Variants in SGK1 observed in about 807,000 individuals in gnomAD.
SGK1 encodes the protein serum/glucocorticoid regulated kinase 1, also known as serine/threonine-protein kinase Sgk1.
A neutral mutation model predicts 64.2 loss-of-function variants in SGK1; 26 were observed. The observed-to-expected ratio is 0.40, with a 90% CI of 0.30 to 0.56. The LOEUF (loss-of-function observed/expected upper bound fraction) is 0.56. Among genes scored for constraint, SGK1 ranks in the 20% least tolerant of loss-of-function variants. The pLI is 0.38. For missense variants in SGK1, 519 were observed against 645.6 expected, an observed-to-expected ratio of 0.80 and a Z score of 2.12; for synonymous variants, 265 against 239.7, an observed-to-expected ratio of 1.11 and a Z score of -0.98.
chr6:134,316,970 T>A (rs78479401), intron 1 of SGK1, among the ~76,000 whole-genome samples: 8,311 of 152,170 alleles, frequency 0.055, 342 homozygotes, highest in African/African-American at 0.12. Flanking sequence ...TGATAATGCA[T>A]CACTTGAGAC....
intron 3 of SGK1, among the ~76,000 whole-genome samples, chr6:134,196,969 A>T (rs1775603089): frequency 6.6e-6 from 1 of 152,166 alleles, no homozygotes; most frequent in Non-Finnish European, 1.5e-5. Context: ...GCAGTGACTC[A>T]CGCCTATAAT....
chr6:134,239,913 G>C (rs1183991527), intron 2 of SGK1, among the ~76,000 whole-genome samples: 1 of 152,178 alleles, frequency 6.6e-6, no homozygotes, highest in East Asian at 1.9e-4. Flanking sequence ...CAGTGGATAA[G>C]AGAAATGATT....
chr6:134,189,799 T>C (rs2114663602), intron 3 of SGK1, among the ~76,000 whole-genome samples: 1 of 152,240 alleles, frequency 6.6e-6, no homozygotes, highest in South Asian at 2.1e-4. Flanking sequence ...AAAGCAGAAG[T>C]ATTCCCTTTT....
intron 3 of SGK1, among the ~76,000 whole-genome samples, chr6:134,199,625 T>TA (rs1775651361): frequency 7.0e-6 from 1 of 142,012 alleles, no homozygotes; most frequent in South Asian, 2.2e-4. Context: ...CCACCAAACC[T>TA]AAAACAAAAG....
intron 1 of SGK1, chr6:134,297,151 A>G: frequency 1.6e-6 from 1 of 613,782 alleles, no homozygotes; most frequent in Non-Finnish European, 3.0e-6. Context: ...CCATAGGCTG[A>G]GCACAGACCA....
chr6:134,265,909 C>A (rs1357493262), intron 1 of SGK1, among the ~76,000 whole-genome samples: 1 of 151,814 alleles, frequency 6.6e-6, no homozygotes, highest in South Asian at 2.1e-4. Context: ...TCCCAAAATG[C>A]TGGGATTACA....
rs1359174454 is a variant in SGK1 at position 134,273,329 on chromosome 6, T to A, written c.70-11181A>T. 1.4e-5 allele frequency among the ~76,000 whole-genome samples: 2 copies of A among 146,828 alleles called. 1 individual carries two copies. The highest frequency in any genetic ancestry group is 3.0e-5 in the Non-Finnish European group (2 of 66,448). On this transcript the variant is annotated intron_variant, in intron 1 of 13. Transcript: ENST00000367858. ...TGGAAGTGATGGTTAAGTTGAATCTTAAAAGCTGAGTTACACTTTGGGAGG... is the reference window on the plus strand; with the variant it reads ...TGGAAGTGATGGTTAAGTTGAATCTAAAAAGCTGAGTTACACTTTGGGAGG...
intron 2 of SGK1, among the ~76,000 whole-genome samples, chr6:134,234,091 A>C (rs2114717395): frequency 6.6e-6 from 1 of 152,368 alleles, no homozygotes; most frequent in East Asian, 1.9e-4. Flanking sequence ...TTAATAATAG[A>C]ACATTTTAAA....
intron 2 of SGK1, among the ~76,000 whole-genome samples, chr6:134,248,860 C>T (rs975613323): frequency 1.3e-5 from 2 of 152,146 alleles, no homozygotes; most frequent in Non-Finnish European, 2.9e-5. Flanking sequence ...AGTGCTTCCT[C>T]TCCCTTTCTT....
chr6:134,275,949 C>T (rs1420611079), intron 1 of SGK1, among the ~76,000 whole-genome samples: 1 of 152,202 alleles, frequency 6.6e-6, no homozygotes, highest in African/African-American at 2.4e-5. Context: ...ACATTCATTG[C>T]TTTGCTTGTG....
intron 2 of SGK1, among the ~76,000 whole-genome samples, chr6:134,222,822 T>C (rs1358975128): frequency 6.6e-6 from 1 of 152,214 alleles, no homozygotes; most frequent in Non-Finnish European, 1.5e-5. Flanking sequence ...CAAAAGCATA[T>C]TTCTTTCCAG....
In SGK1 at chr6:134,288,711, A is replaced by G. The variant is rs1301166901; in HGVS notation, c.70-26563T>C. 3.5e-5 allele frequency among the ~76,000 whole-genome samples: 3 copies of G among 84,640 alleles called. No homozygotes were observed. In the Admixed American group the frequency reaches 4.5e-4, roughly 13 times the overall value. The allele number at this position is 84,640 out of a possible 152,430, so 55.5% of individuals were successfully genotyped here. A position where few individuals can be genotyped will look rare whatever the true frequency, so the allele number is the denominator to read the frequency against. On this transcript the variant is annotated intron_variant, in intron 1 of 13. Coordinates refer to ENST00000367858, the MANE Select transcript of SGK1 (RefSeq NM_001143676.3). ...GAGGCGGTATTCGGAAGTTCTAAAT[A>G]CTTTTTTTTCCATCTCAGAAATGCT...
chr6:134,231,568 A>G (rs1283058529), intron 2 of SGK1, among the ~76,000 whole-genome samples: 2 of 152,202 alleles, frequency 1.3e-5, no homozygotes, highest in East Asian at 3.8e-4. Context: ...AATGCTCAAT[A>G]TTTTTATCCC....
intron 3 of SGK1, among the ~76,000 whole-genome samples, chr6:134,195,454 C>T (rs1430143799): frequency 6.6e-6 from 1 of 152,200 alleles, no homozygotes; most frequent in African/African-American, 2.4e-5. Flanking sequence ...GTCACACATT[C>T]ACACATTTGG....
intron 2 of SGK1, among the ~76,000 whole-genome samples, chr6:134,255,105 G>A (rs1776661256): frequency 6.6e-6 from 1 of 152,134 alleles, no homozygotes; most frequent in Non-Finnish European, 1.5e-5. Flanking sequence ...CTGACCTTAG[G>A]TGATCCACCT....
chr6:134,289,273 A>G (rs554094991), intron 1 of SGK1, among the ~76,000 whole-genome samples: 7 of 152,314 alleles, frequency 4.6e-5, no homozygotes, highest in Admixed American at 3.9e-4. Flanking sequence ...CTAAAATTGC[A>G]AAGTATTTCT....
At position 134,174,597 on chromosome 6, in the gene SGK1, A is replaced by T; in HGVS notation, c.362-11T>A. ...TCTGCTTCATGAAAGCTGTGGATGA[A>T]GGAGGAGAAATAAAGAAACGTTTAG... On this transcript the variant is annotated splice_polypyrimidine_tract_variant and intron_variant, in intron 3 of 13. Coordinates refer to ENST00000367858, the MANE Select transcript of SGK1 (RefSeq NM_001143676.3). 1 of 1,612,776 alleles carries T rather than the reference A, an allele frequency of 6.2e-7. No individual in the cohort carries two copies. The highest frequency in any genetic ancestry group is 2.2e-5 in the East Asian group (1 of 44,870).
At chr6:134,298,503 G>T in intron 1 of SGK1, 1 of 801,830 alleles carries the variant, frequency 1.2e-6, no homozygotes, top group Non-Finnish European at 2.2e-6. Flanking sequence ...GACTGTGACG[G>T]CAGTGATGCC....
intron 2 of SGK1, among the ~76,000 whole-genome samples, chr6:134,217,884 T>G (rs1776012518): frequency 6.6e-6 from 1 of 152,194 alleles, no homozygotes; most frequent in Non-Finnish European, 1.5e-5. Flanking sequence ...TGCATTCTTT[T>G]TTATTTTGAT....
Sources: gnomAD v4.1 joint callset for allele counts (sites outside exome capture counted in the v4.1 genomes callset) on GRCh38, gnomAD v4.1.1 for gene constraint, MANE v1.5 for transcripts, NCBI Gene and HGNC (gene_info 2026-07-23, HGNC 2026-07-21) for gene names.